The following PACSIN2 variants were observed in gnomAD, a reference collection of about 807,000 sequenced individuals.
PACSIN2 encodes the protein protein kinase C and casein kinase substrate in neurons protein 2.
A neutral mutation model predicts 63.8 loss-of-function variants in PACSIN2; 25 were observed. The ratio of observed to expected loss-of-function variants is 0.39; its 90% CI spans 0.29 to 0.55. The LOEUF (loss-of-function observed/expected upper bound fraction) is 0.55. Among genes scored for constraint, PACSIN2 ranks in the 20% least tolerant of loss-of-function variants. PACSIN2 has a pLI of 0.62. For missense variants in PACSIN2, 518 were observed against 646.9 expected, an observed-to-expected ratio of 0.80 and a Z score of 2.16; for synonymous variants, 255 against 256.2, an observed-to-expected ratio of 1.00 and a Z score of 0.05.
chr22:43,001,925 C>A (rs1184474815), intron 1 of PACSIN2, among the ~76,000 whole-genome samples: 1 of 152,070 alleles, frequency 6.6e-6, no homozygotes, highest in Non-Finnish European at 1.5e-5. Context: ...CCTTTGCAGA[C>A]CCTGGCAAAT....
chr22:42,973,069 A>T (rs372238878), intron 1 of PACSIN2, among the ~76,000 whole-genome samples: 1 of 152,230 alleles, frequency 6.6e-6, no homozygotes, highest in Admixed American at 6.5e-5. Context: ...GGGCAGTCAT[A>T]TATCTGCCCA....
At chr22:42,935,138 G>C (rs1270668529) in intron 1 of PACSIN2, among the ~76,000 whole-genome samples, 1 of 151,376 alleles carries the variant, frequency 6.6e-6, no homozygotes, top group Non-Finnish European at 1.5e-5. Context: ...TTTTAGCCAG[G>C]ATGGTCTCGA....
chr22:42,933,176 A>G lies in PACSIN2; in HGVS notation c.-77-21019T>C, dbSNP rs183911701. ...AAACCTTGTTATCCCTGAAAAGTTG[A>G]GGTCTAAGACTTTAAGAAATTGGAA... On this transcript the variant is annotated intron_variant, in intron 1 of 10. Coordinates refer to ENST00000263246, the MANE Select transcript of PACSIN2 (RefSeq NM_001184970.3). 2.7e-3 allele frequency among the ~76,000 whole-genome samples: 410 copies of G among 152,356 alleles called. 1 individual carries two copies. The highest frequency in any genetic ancestry group is 4.1e-3 in the Non-Finnish European group (282 of 68,030).
At chr22:42,878,749 G>A (rs1311650540) in intron 8 of PACSIN2, among the ~76,000 whole-genome samples, 1 of 152,198 alleles carries the variant, frequency 6.6e-6, no homozygotes, top group African/African-American at 2.4e-5. Context: ...TGCCAGCCCT[G>A]TCATCAGCTC....
intron 2 of PACSIN2, among the ~76,000 whole-genome samples, chr22:42,900,956 C>T (rs540948880): frequency 3.9e-5 from 6 of 152,264 alleles, no homozygotes; most frequent in South Asian, 2.1e-4. Context: ...GCCCTGTGGG[C>T]GCCAGCAAGT....
intron 1 of PACSIN2, among the ~76,000 whole-genome samples, chr22:42,950,309 C>A (rs182181618): frequency 2.9e-4 from 29 of 98,730 alleles, no homozygotes. Context: ...ATTTTGGTAT[C>A]CTTTGGAGGG....
chr22:42,952,805 G>A (rs552320130), intron 1 of PACSIN2, among the ~76,000 whole-genome samples: 1 of 152,168 alleles, frequency 6.6e-6, no homozygotes, highest in South Asian at 2.1e-4. Context: ...TGGGATTACA[G>A]GTGTGTGCCA....
intron 1 of PACSIN2, among the ~76,000 whole-genome samples, chr22:42,928,605 T>C (rs1391821510): frequency 6.6e-6 from 1 of 152,236 alleles, no homozygotes; most frequent in Non-Finnish European, 1.5e-5. Flanking sequence ...ACTCAGTAGA[T>C]GGTGTTAATG....
At chr22:42,989,114 C>G (rs977436666) in intron 1 of PACSIN2, among the ~76,000 whole-genome samples, 1 of 152,124 alleles carries the variant, frequency 6.6e-6, no homozygotes, top group Non-Finnish European at 1.5e-5. Context: ...CCTAGGCTCA[C>G]GAAATCCTCC....
chr22:43,012,936 T>G (rs1257583011), intron 1 of PACSIN2, among the ~76,000 whole-genome samples: 9 of 152,118 alleles, frequency 5.9e-5, no homozygotes, highest in Admixed American at 5.9e-4. Flanking sequence ...ATTACAGGCG[T>G]GAGCCACCAC....
chr22:42,943,163 C>G (rs1007796942), intron 1 of PACSIN2, among the ~76,000 whole-genome samples: 2 of 152,104 alleles, frequency 1.3e-5, no homozygotes, highest in African/African-American at 4.8e-5. Context: ...ATAAATGAAA[C>G]TGTTTTCTTA....
At chr22:42,946,870 AGGGAGCTG>A (rs1933446471) in intron 1 of PACSIN2, 2 of 152,274 alleles carry the variant, frequency 1.3e-5, no homozygotes, top group Non-Finnish European at 2.9e-5. Flanking sequence ...ACCATGTTGC[AGGGAGCTG>A]GGCCGTGGGT....
chr22:42,888,873 G>A, intron 4 of PACSIN2, 75 bp from the exon 5 acceptor site: 1 of 1,465,102 alleles, frequency 6.8e-7, no homozygotes, highest in South Asian at 1.1e-5. Context: ...CACAGACCAT[G>A]GGAATGCTTG....
At chr22:43,007,902 T>G (rs1924200066) in intron 1 of PACSIN2, among the ~76,000 whole-genome samples, 1 of 152,128 alleles carries the variant, frequency 6.6e-6, no homozygotes, top group Non-Finnish European at 1.5e-5. Flanking sequence ...TCCCTCCACA[T>G]GAGCCACTGA....
At chr22:42,904,153 C>A (rs1008674895) in intron 2 of PACSIN2, among the ~76,000 whole-genome samples, 3 of 152,184 alleles carry the variant, frequency 2.0e-5, no homozygotes, top group African/African-American at 7.2e-5. Context: ...TGTGTTTACG[C>A]AAAGCTGTGT....
At chr22:42,888,271 C>A (rs1390002632) in intron 5 of PACSIN2, among the ~76,000 whole-genome samples, 1 of 152,176 alleles carries the variant, frequency 6.6e-6, no homozygotes, top group African/African-American at 2.4e-5. Context: ...ACACCCACCA[C>A]TGGCCACAAC....
chr22:42,890,003 A>AG (rs1929786308), intron 4 of PACSIN2, among the ~76,000 whole-genome samples: 1 of 123,114 alleles, frequency 8.1e-6, no homozygotes, highest in South Asian at 2.6e-4. Context: ...AGCCAAAGGG[A>AG]CTTTTTTTTT....
At chr22:42,999,530 G>A (rs949510920) in intron 1 of PACSIN2, among the ~76,000 whole-genome samples, 3 of 152,170 alleles carry the variant, frequency 2.0e-5, no homozygotes, top group Admixed American at 6.5e-5. Context: ...TTAGCCCAGC[G>A]TGGTGGTACA....
chr22:42,924,813 G>A (rs1221222304), intron 1 of PACSIN2, among the ~76,000 whole-genome samples: 2 of 150,890 alleles, frequency 1.3e-5, no homozygotes, highest in Admixed American at 6.6e-5. Context: ...CTGAAGCGCA[G>A]TGGCACGATC....
Sources: allele counts gnomAD v4.1 joint callset (sites outside exome capture counted in the v4.1 genomes callset), GRCh38; gene constraint gnomAD v4.1.1; transcripts MANE v1.5; gene names NCBI Gene and HGNC (gene_info 2026-07-23, HGNC 2026-07-21).